Variants in COMMD10 observed in about 807,000 individuals in gnomAD.
COMMD10 encodes COMM domain containing 10, also known as COMM domain-containing protein 10.
In COMMD10, 33 loss-of-function variants were observed where a neutral mutation model predicts 28.9. The ratio of observed to expected loss-of-function variants is 1.14; its 90% CI spans 0.87 to 1.53. The LOEUF is 1.53. Among genes scored for constraint, COMMD10 ranks in the 40% most tolerant of loss-of-function variants. The pLI, the probability that COMMD10 is intolerant of heterozygous loss-of-function variation, is 0.00. For missense variants in COMMD10, 310 were observed against 233.4 expected (o/e 1.33, Z -2.14); for synonymous variants, 110 against 81.7 (o/e 1.35, Z -1.87).
chr5:116,214,767 T>G (rs943309101), intron 5 of COMMD10, among the ~76,000 whole-genome samples: 2 of 152,140 alleles, frequency 1.3e-5, no homozygotes, highest in East Asian at 3.8e-4. Context: ...ATAGGAAATA[T>G]ACCCATTTAA....
intron 4 of COMMD10, among the ~76,000 whole-genome samples, chr5:116,110,714 C>G (rs550142902): frequency 6.6e-6 from 1 of 152,050 alleles, no homozygotes; most frequent in South Asian, 2.1e-4. Flanking sequence ...GATGCTAGCA[C>G]CTGGGGAGGC....
intron 5 of COMMD10, chr5:116,218,306 G>A: frequency 1.4e-6 from 1 of 705,442 alleles, no homozygotes; most frequent in Non-Finnish European, 2.6e-6. Flanking sequence ...GGTGGTGGCA[G>A]TGATGGTGGT....
intron 5 of COMMD10, among the ~76,000 whole-genome samples, chr5:116,193,600 G>C (rs927600624): frequency 4.6e-5 from 7 of 152,092 alleles, no homozygotes; most frequent in African/African-American, 1.7e-4. Context: ...ATGGTAAAAG[G>C]CCTTGTCCAA....
chr5:116,117,673 C>G (rs1050833466), intron 4 of COMMD10, among the ~76,000 whole-genome samples: 16 of 152,024 alleles, frequency 1.1e-4, no homozygotes, highest in African/African-American at 3.1e-4. Flanking sequence ...ACCATGTTGG[C>G]CAGGCTGGTC....
At chr5:116,257,828 G>A (rs1750332792) in intron 5 of COMMD10, among the ~76,000 whole-genome samples, 2 of 151,736 alleles carry the variant, frequency 1.3e-5, no homozygotes, top group Non-Finnish European at 1.5e-5. Flanking sequence ...TTTGTATAAT[G>A]TGCCTACAAG....
chr5:116,097,598 A>G (rs1750509991), intron 4 of COMMD10, among the ~76,000 whole-genome samples: 1 of 152,172 alleles, frequency 6.6e-6, no homozygotes. Context: ...TATGTACTTC[A>G]TATTAGTCCA....
At chr5:116,192,490 G>A (rs1159839400) in intron 5 of COMMD10, among the ~76,000 whole-genome samples, 1 of 152,016 alleles carries the variant, frequency 6.6e-6, no homozygotes, top group Non-Finnish European at 1.5e-5. Context: ...AAAAATTCAG[G>A]AAACTTTGGA....
intron 5 of COMMD10, among the ~76,000 whole-genome samples, chr5:116,156,039 G>T (rs2112559837): frequency 6.6e-6 from 1 of 152,186 alleles, no homozygotes; most frequent in South Asian, 2.1e-4. Context: ...TAATAATAAT[G>T]TAGAGAGTGC....
intron 5 of COMMD10, among the ~76,000 whole-genome samples, chr5:116,223,103 T>A (rs1485723883): frequency 6.6e-6 from 1 of 152,220 alleles, no homozygotes; most frequent in East Asian, 1.9e-4. Flanking sequence ...TATGTTCTTA[T>A]TTCTTTGAAG....
chr5:116,202,115 C>T (rs917797420), intron 5 of COMMD10, among the ~76,000 whole-genome samples: 1 of 149,250 alleles, frequency 6.7e-6, no homozygotes, highest in African/African-American at 2.5e-5. Context: ...CAATTCCCAC[C>T]TATGAATGAG....
chr5:116,220,729 T>C (rs1313043163), intron 5 of COMMD10, among the ~76,000 whole-genome samples: 1 of 152,224 alleles, frequency 6.6e-6, no homozygotes, highest in Non-Finnish European at 1.5e-5. Flanking sequence ...TTGTGGCACC[T>C]GTAGTTAATG....
intron 4 of COMMD10, among the ~76,000 whole-genome samples, chr5:116,117,026 C>T (rs963711508): frequency 2.6e-5 from 4 of 152,104 alleles, no homozygotes; most frequent in African/African-American, 4.8e-5. Context: ...TTGGATTTAA[C>T]GTAATGGACT....
intron 4 of COMMD10, among the ~76,000 whole-genome samples, chr5:116,118,022 C>A (rs973855517): frequency 2.0e-5 from 3 of 152,024 alleles, no homozygotes; most frequent in African/African-American, 7.2e-5. Context: ...AACTACATGC[C>A]CTGTTGTCTC....
chr5:116,220,705 TTA>T (rs553510375), intron 5 of COMMD10, among the ~76,000 whole-genome samples: 9 of 152,242 alleles, frequency 5.9e-5, no homozygotes, highest in African/African-American at 2.2e-4. Context: ...AACTGAAAAA[TTA>T]TGTTTCTAAA....
rs532387231 is a variant in COMMD10 at position 116,121,148 on chromosome 5, A to T, written c.400-12920A>T. ...CCTTCCCCCTGCCCCCCACCACATG[A>T]CAGGCCCCGTGTGTGATGTTCCCCT... is the stretch of plus-strand genomic sequence containing the variant. On this transcript the variant is annotated intron_variant, in intron 4 of 6. Coordinates refer to ENST00000274458, the MANE Select transcript of COMMD10 (RefSeq NM_016144.4). 1.2e-4 allele frequency among the ~76,000 whole-genome samples: 18 copies of T among 151,876 alleles called. No individual in the cohort carries two copies. The South Asian group carries it at 3.5e-3, about 30-fold the overall frequency.
At chr5:116,113,562 T>G (rs933947634) in intron 4 of COMMD10, among the ~76,000 whole-genome samples, 2 of 151,968 alleles carry the variant, frequency 1.3e-5, no homozygotes, top group Non-Finnish European at 2.9e-5. Context: ...AAATCTTTTC[T>G]TCTGCTTGGC....
At chr5:116,166,914 A>C (rs1366399792) in intron 5 of COMMD10, among the ~76,000 whole-genome samples, 1 of 152,168 alleles carries the variant, frequency 6.6e-6, no homozygotes, top group Non-Finnish European at 1.5e-5. Flanking sequence ...GAAAGGCTGA[A>C]AATTCCCTAA....
intron 5 of COMMD10, among the ~76,000 whole-genome samples, chr5:116,180,934 C>G (rs930906753): frequency 6.6e-6 from 1 of 152,038 alleles, no homozygotes; most frequent in Non-Finnish European, 1.5e-5. Context: ...GGGCAGATTG[C>G]CTGAGCTTAG....
intron 5 of COMMD10, among the ~76,000 whole-genome samples, chr5:116,172,278 A>G (rs796191395): frequency 1.2e-4 from 18 of 152,244 alleles, no homozygotes; most frequent in African/African-American, 4.1e-4. Flanking sequence ...GGATTATTAA[A>G]GGTGTGGGAA....
Sources: gnomAD v4.1 joint callset for allele counts (sites outside exome capture counted in the v4.1 genomes callset) on GRCh38, gnomAD v4.1.1 for gene constraint, MANE v1.5 for transcripts, NCBI Gene and HGNC (gene_info 2026-07-23, HGNC 2026-07-21) for gene names.